The following HIVEP2 variants were observed in gnomAD, a reference collection of about 807,000 sequenced individuals.
The protein encoded by HIVEP2 is HIVEP zinc finger 2, also known as transcription factor HIVEP2.
HIVEP2 carries 14 observed loss-of-function variants against 180.7 expected under a neutral mutation model. The observed-to-expected ratio is 0.08, with a 90% confidence interval of 0.05 to 0.12. The LOEUF (loss-of-function observed/expected upper bound fraction) is 0.12. Among genes scored for constraint, HIVEP2 ranks in the 10% least tolerant of loss-of-function variants. HIVEP2 has a pLI of 1.00. For synonymous variants in HIVEP2, 1,184 were observed against 1,136.4 expected (o/e 1.04, Z -0.84); for missense variants, 2,579 against 3,008.5 (o/e 0.86, Z 3.34).
intron 9 of HIVEP2, among the ~76,000 whole-genome samples, chr6:142,756,702 C>T (rs1775079722): frequency 1.5e-5 from 2 of 133,628 alleles, no homozygotes; most frequent in East Asian, 4.2e-4. Context: ...AAAGATAAGG[C>T]CACAGCCATA....
At chr6:142,765,010 A>G in intron 6 of HIVEP2, 36 bp from the exon 7 acceptor site, 1 of 1,572,108 alleles carries the variant, frequency 6.4e-7, no homozygotes, top group Non-Finnish European at 8.7e-7. Context: ...GTGTTTTCAA[A>G]TATTCTTAGC....
Position 142,753,233 on chromosome 6 carries a change from A to G in HIVEP2, c.7215T>C (p.Ala2405=). 1.2e-6 allele frequency: 2 copies of G among 1,614,146 alleles called. No individual in the cohort carries two copies. Among genetic ancestry groups the G allele is most frequent in the Non-Finnish European group, 1.7e-6 (2 of 1,179,988 alleles). Residue 2405 remains alanine (A), a synonymous_variant, in exon 10 of 10, where the codon GCT becomes GCC. Coordinates refer to ENST00000367603, the MANE Select transcript of HIVEP2 (RefSeq NM_006734.4). ...DNFGTSQTPL[A]HSTFYSKSCV... ...AACTCTTGCTGTAAAACGTGGAGTGAGCTAATGGAGTCTGTGATGTACCAA... is the reference window on the plus strand; with the variant it reads ...AACTCTTGCTGTAAAACGTGGAGTGGGCTAATGGAGTCTGTGATGTACCAA...
intron 2 of HIVEP2, among the ~76,000 whole-genome samples, chr6:142,833,201 C>T (rs757424696): frequency 4.6e-5 from 7 of 152,162 alleles, no homozygotes; most frequent in Admixed American, 3.3e-4. Context: ...ATGAAGCCTC[C>T]GGTCCCTTAT....
At chr6:142,910,049 T>G (rs1360019090) in intron 1 of HIVEP2, among the ~76,000 whole-genome samples, 1 of 152,240 alleles carries the variant, frequency 6.6e-6, no homozygotes, top group Non-Finnish European at 1.5e-5. Context: ...TTGACTTCCA[T>G]ATACTGCTCC....
At chr6:142,813,057 T>TA (rs1324046501) in intron 2 of HIVEP2, among the ~76,000 whole-genome samples, 1 of 152,192 alleles carries the variant, frequency 6.6e-6, no homozygotes, top group East Asian at 1.9e-4. Context: ...CTGAACACTG[T>TA]AAAAAAAGTG....
chr6:142,891,205 TA>T (rs1182943299), intron 1 of HIVEP2, among the ~76,000 whole-genome samples: 1 of 152,120 alleles, frequency 6.6e-6, no homozygotes. Flanking sequence ...AGTAAACTAA[TA>T]ACAACATCAG....
At chr6:142,768,651 A>G (rs1372578492) in intron 5 of HIVEP2, 115 bp from the exon 6 acceptor site, 17 of 956,950 alleles carry the variant, frequency 1.8e-5, no homozygotes, top group African/African-American at 3.3e-5. Context: ...CTAAAAGGCC[A>G]GGAACTAGTT....
In HIVEP2 at chr6:142,871,655, T is replaced by C. The variant is rs191908159; in HGVS notation, c.-640-34608A>G. On this transcript the variant is annotated intron_variant, in intron 1 of 9. Transcript: ENST00000367603. ...TCACAAAAATACATAAGTAGAAAAG[T>C]ACAATGTTTGCATTAATACCCTATT... Among the ~76,000 whole-genome samples the C allele has an allele frequency of 1.3e-3, 195 of 151,802 alleles. 4 individuals are homozygous for C. The highest frequency in any genetic ancestry group is 1.2e-3 in the Non-Finnish European group (79 of 67,920).
At chr6:142,866,767 C>T (rs578111333) in intron 1 of HIVEP2, among the ~76,000 whole-genome samples, 10 of 152,240 alleles carry the variant, frequency 6.6e-5, no homozygotes, top group African/African-American at 2.2e-4. Context: ...GTTGATCTGA[C>T]CACATCAGGA....
At chr6:142,837,854 T>A (rs1775263057) in intron 1 of HIVEP2, among the ~76,000 whole-genome samples, 1 of 152,090 alleles carries the variant, frequency 6.6e-6, no homozygotes. Flanking sequence ...AGTTTCTAGC[T>A]ACTCCCAAAT....
chr6:142,850,307 T>C (rs183095236), intron 1 of HIVEP2, among the ~76,000 whole-genome samples: 42 of 152,362 alleles, frequency 2.8e-4, no homozygotes, highest in Non-Finnish European at 4.7e-4. Flanking sequence ...GAGATAATTA[T>C]GACTTGATTG....
rs1401290454 is a variant in HIVEP2 at position 142,796,894 on chromosome 6, A to G, written c.-527-13279T>C. 5.9e-5 allele frequency among the ~76,000 whole-genome samples: 9 copies of G among 152,178 alleles called. No individual in the cohort carries two copies. In the South Asian group the frequency reaches 1.9e-3, roughly 31 times the overall value. ...TTGCAACACTTGAGCTCACTGCAGTAGCAACAGGAGGGAACTACAGAATTA... is the reference window on the plus strand; with the variant it reads ...TTGCAACACTTGAGCTCACTGCAGTGGCAACAGGAGGGAACTACAGAATTA... On this transcript the variant is annotated intron_variant, in intron 2 of 9. Coordinates refer to ENST00000367603, the MANE Select transcript of HIVEP2 (RefSeq NM_006734.4).
At chr6:142,847,926 A>G (rs184849167) in intron 1 of HIVEP2, among the ~76,000 whole-genome samples, 1 of 152,330 alleles carries the variant, frequency 6.6e-6, no homozygotes, top group Non-Finnish European at 1.5e-5. Context: ...ATGAAAGCCA[A>G]AAGGAAACAC....
Position 142,902,085 on chromosome 6 carries a change from T to C in HIVEP2, c.-641+43014A>G, listed in dbSNP as rs965969074. 5.9e-5 allele frequency among the ~76,000 whole-genome samples: 9 copies of C among 152,206 alleles called. 1 individual carries two copies. Among genetic ancestry groups the C allele is most frequent in the Non-Finnish European group, 2.9e-5 (2 of 68,034 alleles). ...TCAATCAATCAATCAATAAAATATG[T>C]AGATATTTCCTCCCTTCAAAGATAA... On this transcript the variant is annotated intron_variant, in intron 1 of 9. Transcript: ENST00000367603.
chr6:142,828,553 C>T (rs1463042631), intron 2 of HIVEP2, among the ~76,000 whole-genome samples: 2 of 152,108 alleles, frequency 1.3e-5, no homozygotes, highest in African/African-American at 4.8e-5. Context: ...TCTCCTGCCT[C>T]AGCCTCCCCA....
intron 1 of HIVEP2, among the ~76,000 whole-genome samples, chr6:142,866,369 C>T (rs531333740): frequency 1.3e-5 from 2 of 152,300 alleles, no homozygotes; most frequent in Non-Finnish European, 2.9e-5. Flanking sequence ...AATCACTGAG[C>T]ATAATCATTG....
intron 1 of HIVEP2, among the ~76,000 whole-genome samples, chr6:142,917,551 CATT>C (rs1253619714): frequency 5.9e-5 from 9 of 152,178 alleles, no homozygotes; most frequent in African/African-American, 2.2e-4. Flanking sequence ...GATGGGAAAA[CATT>C]AGTATTTCCT....
intron 1 of HIVEP2, among the ~76,000 whole-genome samples, chr6:142,870,394 C>A (rs564394951): frequency 5.7e-4 from 86 of 152,210 alleles, no homozygotes; most frequent in Middle Eastern, 6.8e-3. Context: ...CATGAAAGAA[C>A]TTTATAAACT....
chr6:142,915,170 CTTG>C (rs966229826), intron 1 of HIVEP2, among the ~76,000 whole-genome samples: 1 of 152,168 alleles, frequency 6.6e-6, no homozygotes, highest in Non-Finnish European at 1.5e-5. Context: ...CTTGAATCCT[CTTG>C]TTATGTGTGG....
Sources: gnomAD v4.1 joint callset for allele counts (sites outside exome capture counted in the v4.1 genomes callset) on GRCh38, gnomAD v4.1.1 for gene constraint, MANE v1.5 for transcripts, NCBI Gene and HGNC (gene_info 2026-07-23, HGNC 2026-07-21) for gene names.